RBM20: variants seen among roughly 807,000 people sequenced by gnomAD.
The protein encoded by RBM20 is RNA binding motif protein 20.
A neutral mutation model predicts 110.1 loss-of-function variants in RBM20; 51 were observed. The ratio of observed to expected loss-of-function variants is 0.46; its 90% CI spans 0.37 to 0.59. The LOEUF is 0.59. Among genes scored for constraint, RBM20 ranks in the 20% least tolerant of loss-of-function variants. The pLI is 0.00. For synonymous variants in RBM20, 589 were observed against 618.2 expected (o/e 0.95, Z 0.70); for missense variants, 1,512 against 1,574.9 (o/e 0.96, Z 0.68).
intron 1 of RBM20, among the ~76,000 whole-genome samples, chr10:110,665,720 A>AATTATTTATTCATGT: frequency 6.6e-6 from 1 of 152,306 alleles, no homozygotes; most frequent in Middle Eastern, 3.4e-3. Flanking sequence ...GAGGTTAAAG[A>AATTATTTATTCATGT]ATTATTTATT....
chr10:110,708,166 G>A (rs1862869597), intron 1 of RBM20, among the ~76,000 whole-genome samples: 1 of 152,210 alleles, frequency 6.6e-6, no homozygotes, highest in Admixed American at 6.5e-5. Flanking sequence ...GGGGCTCTGT[G>A]CTTGGGCGTG....
In RBM20 at chr10:110,821,458, CT is replaced by C; in HGVS notation, c.2840del (p.Leu947ArgfsTer3). On this transcript the variant is annotated frameshift_variant, in exon 11 of 14. Transcript: ENST00000369519. LOFTEE classifies it high-confidence loss of function. Reference sequence around the variant, plus strand: ...AGACAAAATTTGCCCAGAAACATGTCTGTGTGTGACAACCACCTTAGACTTA... The same window carrying C: ...AGACAAAATTTGCCCAGAAACATGTCGTGTGTGACAACCACCTTAGACTTA... Reference protein sequence around the residue: ...QKDKICPETCLCVTTTLDLDL... With the variant: ...QKDKICPETCXCVTTTLDLDL... 6.4e-7 allele frequency: 1 copy of C among 1,551,820 alleles called. No homozygotes were observed. The highest frequency in any genetic ancestry group is 8.7e-7 in the Non-Finnish European group (1 of 1,147,026).
At chr10:110,643,610 C>A (rs553415162), upstream of RBM20, among the ~76,000 whole-genome samples, 1 of 152,342 alleles carries the variant, frequency 6.6e-6, no homozygotes, top group East Asian at 1.9e-4. Flanking sequence ...TTTGTCTTTG[C>A]GCTCGTGGGG....
intron 1 of RBM20, among the ~76,000 whole-genome samples, chr10:110,764,476 A>G (rs995757961): frequency 2.0e-5 from 3 of 152,214 alleles, no homozygotes; most frequent in African/African-American, 7.2e-5. Flanking sequence ...GGCTGAGAAC[A>G]TGTGGCATAA....
intron 1 of RBM20, among the ~76,000 whole-genome samples, chr10:110,727,734 T>C (rs770127460): frequency 7.2e-5 from 11 of 152,234 alleles, no homozygotes; most frequent in Non-Finnish European, 1.5e-4. Context: ...GCTGCACTCA[T>C]TAGCCCATCA....
intron 2 of RBM20, 87 bp from the exon 3 acceptor site, chr10:110,783,270 TCTGTGCTCC>T: frequency 9.7e-6 from 9 of 923,676 alleles, no homozygotes; most frequent in Non-Finnish European, 1.5e-5. Flanking sequence ...CTCTGGGCGC[TCTGTGCTCC>T]CTGCCTGACC....
chr10:110,726,925 C>T (rs1214204629), intron 1 of RBM20, among the ~76,000 whole-genome samples: 1 of 152,200 alleles, frequency 6.6e-6, no homozygotes, highest in African/African-American at 2.4e-5. Context: ...TGGCTCACTG[C>T]AACCTCCGGC....
intron 1 of RBM20, among the ~76,000 whole-genome samples, chr10:110,675,112 T>C (rs1397234868): frequency 6.6e-6 from 1 of 152,056 alleles, no homozygotes. Flanking sequence ...GGATCATCTG[T>C]GTTTGGGGGA....
intron 1 of RBM20, among the ~76,000 whole-genome samples, chr10:110,768,011 C>T (rs1009864295): frequency 2.0e-5 from 3 of 152,256 alleles, no homozygotes; most frequent in Admixed American, 6.5e-5. Context: ...GCGGATCACT[C>T]GCGGTTAGGA....
intron 1 of RBM20, among the ~76,000 whole-genome samples, chr10:110,703,459 G>A (rs1328706003): frequency 6.6e-6 from 1 of 152,008 alleles, no homozygotes; most frequent in East Asian, 1.9e-4. Context: ...ATAATGATGA[G>A]ATTTCCCATG....
chr10:110,807,092 G>A (rs148798074), intron 7 of RBM20, among the ~76,000 whole-genome samples: 2,996 of 152,272 alleles, frequency 0.02, 63 homozygotes, highest in Admixed American at 0.064. Flanking sequence ...TAGCCCCAGC[G>A]TGCAGTATTT....
At chr10:110,742,937 C>G (rs1843738425) in intron 1 of RBM20, among the ~76,000 whole-genome samples, 1 of 152,236 alleles carries the variant, frequency 6.6e-6, no homozygotes, top group African/African-American at 2.4e-5. Flanking sequence ...TTCTGCTGAG[C>G]ATGGACCTGG....
chr10:110,781,029 G>T lies in RBM20; in HGVS notation c.420G>T (p.Pro140=). 5 of 1,551,914 alleles carry T rather than the reference G, an allele frequency of 3.2e-6. No individual in the cohort carries two copies. Among genetic ancestry groups the T allele is most frequent in the Non-Finnish European group, 4.4e-6 (5 of 1,147,052 alleles). The change falls in exon 2 of 14, where the codon CCG becomes CCT. Residue 140 remains proline (P), a synonymous_variant. Coordinates refer to ENST00000369519, the MANE Select transcript of RBM20 (RefSeq NM_001134363.3). Reference sequence around the variant, plus strand: ...CTCTCTTCAATCAACTGAGGCATCCGTCTGTGATCACTGGCCCCCACGGCC... The same window carrying T: ...CTCTCTTCAATCAACTGAGGCATCCTTCTGTGATCACTGGCCCCCACGGCC... The part of the protein sequence containing the change: ...SQPLFNQLRH[P]SVITGPHGHA...
rs555855065 is a variant in RBM20, at chr10:110,671,821, G to T, written c.191+27176G>T. Among the ~76,000 whole-genome samples the T allele has an allele frequency of 5.3e-5, 8 of 152,130 alleles. No homozygotes were observed. In the South Asian group the frequency reaches 1.7e-3, roughly 32 times the overall value. Reference sequence around the variant, plus strand: ...CCCTTTAAATCTCTTTATTGGTAAAGATATCTTTTAAAATGTTAATTTACA... The same window carrying T: ...CCCTTTAAATCTCTTTATTGGTAAATATATCTTTTAAAATGTTAATTTACA... On this transcript the variant is annotated intron_variant, in intron 1 of 13. Coordinates refer to ENST00000369519, the MANE Select transcript of RBM20 (RefSeq NM_001134363.3).
chr10:110,808,868 T>G (rs1844727536), intron 7 of RBM20, among the ~76,000 whole-genome samples: 1 of 152,150 alleles, frequency 6.6e-6, no homozygotes, highest in South Asian at 2.1e-4. Flanking sequence ...GGACCTGAGA[T>G]TCCCATCTGT....
intron 6 of RBM20, among the ~76,000 whole-genome samples, chr10:110,798,251 T>C (rs1298192466): frequency 6.6e-6 from 1 of 152,230 alleles, no homozygotes; most frequent in East Asian, 1.9e-4. Flanking sequence ...GGGGAGTTTA[T>C]ACTCCCAACA....
chr10:110,776,778 A>T (rs749995540), intron 1 of RBM20, among the ~76,000 whole-genome samples: 5 of 152,240 alleles, frequency 3.3e-5, no homozygotes, highest in Admixed American at 6.5e-5. Context: ...TTAGAATGTG[A>T]ACATTTTTAT....
chr10:110,739,190 T>C lies in RBM20; in HGVS notation c.192-41611T>C, dbSNP rs144571531. Among the ~76,000 whole-genome samples, 1 of 152,356 alleles carries C rather than the reference T, an allele frequency of 6.6e-6. No individual in the cohort carries two copies. Among genetic ancestry groups the C allele is most frequent in the East Asian group, 1.9e-4 (1 of 5,190 alleles). On this transcript the variant is annotated intron_variant, in intron 1 of 13. Transcript: ENST00000369519. The surrounding 1 kb of genome is among the most constrained non-coding windows in gnomAD (Gnocchi z 4.1). ...CCTGCATAGTCTGATTTATGCTATA[T>C]GTATGTAACTACTTTAGTACAGTTG...
intron 1 of RBM20, among the ~76,000 whole-genome samples, chr10:110,773,277 C>T (rs1810038597): frequency 6.6e-6 from 1 of 152,174 alleles, no homozygotes; most frequent in Non-Finnish European, 1.5e-5. Flanking sequence ...GATACACAGA[C>T]AGATAGACAC....
Sources: gnomAD v4.1 joint callset for allele counts (sites outside exome capture counted in the v4.1 genomes callset) on GRCh38, gnomAD v4.1.1 for gene constraint, Gnocchi (gnomAD v3.1) non-coding constraint, MANE v1.5 for transcripts, NCBI Gene and HGNC (gene_info 2026-07-23, HGNC 2026-07-21) for gene names.